MSRA: variants seen among roughly 807,000 people sequenced by gnomAD.
MSRA encodes the protein methionine sulfoxide reductase A, also known as mitochondrial peptide methionine sulfoxide reductase.
In MSRA, 54 loss-of-function variants were observed where a neutral mutation model predicts 31.3. The ratio of observed to expected loss-of-function variants is 1.73; its 90% CI spans 1.39 to 2.17. The LOEUF (loss-of-function observed/expected upper bound fraction) is 2.17, where lower values mean the gene tolerates loss of function less well. Among genes scored for constraint, MSRA ranks in the 30% most tolerant of loss-of-function variants. The pLI is 0.00. For missense variants in MSRA, 507 were observed against 300.9 expected (o/e 1.69, Z -5.07); for synonymous variants, 169 against 116.5 (o/e 1.45, Z -2.90).
intron 2 of MSRA, among the ~76,000 whole-genome samples, chr8:10,237,276 G>C (rs765246295): frequency 2.0e-5 from 3 of 152,236 alleles, no homozygotes; most frequent in African/African-American, 7.2e-5. Flanking sequence ...ATGTCTGCCA[G>C]TTAAGATGAT....
intron 3 of MSRA, among the ~76,000 whole-genome samples, chr8:10,290,236 G>C (rs577252693): frequency 3.9e-5 from 6 of 152,330 alleles, no homozygotes; most frequent in South Asian, 2.1e-4. Flanking sequence ...TGCCTGGACT[G>C]TGAGTAGGAG....
chr8:10,268,490 C>T (rs1164095547), intron 3 of MSRA, among the ~76,000 whole-genome samples: 8 of 152,194 alleles, frequency 5.3e-5, no homozygotes, highest in Admixed American at 5.2e-4. Context: ...TTCACAGCAC[C>T]ATCCTTCTCT....
intron 2 of MSRA, among the ~76,000 whole-genome samples, chr8:10,213,690 C>T (rs548193065): frequency 1.3e-5 from 2 of 151,864 alleles, no homozygotes; most frequent in East Asian, 3.9e-4. Flanking sequence ...CCTGCCTCGG[C>T]CTCCCCAGGT....
chr8:10,068,675 T>C (rs1453841844), intron 1 of MSRA, among the ~76,000 whole-genome samples: 1 of 152,254 alleles, frequency 6.6e-6, no homozygotes, highest in African/African-American at 2.4e-5. Flanking sequence ...AATAGACAAA[T>C]GTCTTTTCTT....
intron 5 of MSRA, among the ~76,000 whole-genome samples, chr8:10,361,439 G>T (rs540429236): frequency 1.3e-4 from 20 of 152,260 alleles, no homozygotes; most frequent in Admixed American, 1.0e-3. Flanking sequence ...ACTTTTACGT[G>T]GTTGTGGCCC....
At chr8:10,293,332 A>T (rs973947096) in intron 3 of MSRA, among the ~76,000 whole-genome samples, 1 of 152,202 alleles carries the variant, frequency 6.6e-6, no homozygotes, top group Non-Finnish European at 1.5e-5. Context: ...AAGATGAGCT[A>T]CTGCTTCCAT....
At chr8:10,255,811 AAAC>A (rs968653393) in intron 3 of MSRA, among the ~76,000 whole-genome samples, 4 of 152,022 alleles carry the variant, frequency 2.6e-5, no homozygotes, top group African/African-American at 9.6e-5. Context: ...TTTTTTTAAA[AAAC>A]AAGTTTTAAT....
At chr8:10,176,565 C>T (rs1025167292) in intron 1 of MSRA, among the ~76,000 whole-genome samples, 2 of 152,216 alleles carry the variant, frequency 1.3e-5, no homozygotes, top group African/African-American at 4.8e-5. Flanking sequence ...ATCATTAGCT[C>T]ATCTCCTGTT....
intron 1 of MSRA, among the ~76,000 whole-genome samples, chr8:10,116,074 G>A (rs922076061): frequency 4.6e-5 from 7 of 152,062 alleles, no homozygotes; most frequent in Non-Finnish European, 5.9e-5. Flanking sequence ...GTAGCTTGGC[G>A]GTCTGCCCTC....
intron 3 of MSRA, among the ~76,000 whole-genome samples, chr8:10,265,484 G>T (rs1798698409): frequency 6.6e-6 from 1 of 152,170 alleles, no homozygotes; most frequent in South Asian, 2.1e-4. Flanking sequence ...TCCCAGGGTA[G>T]GAAATAGAAA....
At chr8:10,385,526 C>T (rs1806332410) in intron 5 of MSRA, among the ~76,000 whole-genome samples, 1 of 152,046 alleles carries the variant, frequency 6.6e-6, no homozygotes, top group Admixed American at 6.6e-5. Flanking sequence ...TTGACCTTGA[C>T]AATTGGGGCA....
intron 1 of MSRA, among the ~76,000 whole-genome samples, chr8:10,080,692 A>AT (rs11296564): frequency 0.063 from 8,573 of 136,390 alleles, 887 homozygotes; most frequent in African/African-American, 0.22. Context: ...TGCCTGGCTA[A>AT]TTTTTTTTTT....
intron 2 of MSRA, among the ~76,000 whole-genome samples, chr8:10,242,002 T>C (rs1797351096): frequency 6.6e-6 from 1 of 152,200 alleles, no homozygotes; most frequent in African/African-American, 2.4e-5. Flanking sequence ...CCGGATGTGG[T>C]GGCTCACGCC....
chr8:10,142,820 A>G (rs1802825850), intron 1 of MSRA, among the ~76,000 whole-genome samples: 1 of 152,248 alleles, frequency 6.6e-6, no homozygotes, highest in Admixed American at 6.5e-5. Context: ...ATGTTTTCCA[A>G]TGCAGATTCA....
At chr8:10,347,338 T>C (rs1318245404) in intron 5 of MSRA, among the ~76,000 whole-genome samples, 3 of 152,232 alleles carry the variant, frequency 2.0e-5, no homozygotes, top group Non-Finnish European at 4.4e-5. Flanking sequence ...TATCTGCAAC[T>C]GGATATTCCA....
intron 3 of MSRA, among the ~76,000 whole-genome samples, chr8:10,259,112 A>AG (rs1798334156): frequency 6.6e-6 from 1 of 151,926 alleles, no homozygotes. Flanking sequence ...AAGGAAAAAA[A>AG]AAAAAAAGAG....
At chr8:10,112,971 T>C (rs1237972184) in intron 1 of MSRA, among the ~76,000 whole-genome samples, 1 of 152,116 alleles carries the variant, frequency 6.6e-6, no homozygotes, top group African/African-American at 2.4e-5. Flanking sequence ...ACATGGCTCC[T>C]TACCCCTGCT....
intron 4 of MSRA, among the ~76,000 whole-genome samples, chr8:10,308,266 A>G (rs980997365): frequency 6.6e-6 from 1 of 152,194 alleles, no homozygotes. Context: ...ATGAACTCCC[A>G]GTTACCCTTC....
Position 10,428,262 on chromosome 8 carries a change from T to G in MSRA, c.658T>G (p.Cys220Gly). The G allele has an allele frequency of 6.2e-7, 1 of 1,614,108 alleles. No individual in the cohort carries two copies. Among genetic ancestry groups the G allele is most frequent in the South Asian group, 1.1e-5 (1 of 91,084 alleles). The change falls in exon 6 of 6, where the codon TGC (cysteine) becomes GGC (glycine). Residue 220 changes from cysteine to glycine, a missense_variant. Transcript: ENST00000317173. ...QYLSKNPNGYCGLGGTGVSCP... is the reference protein window; with the variant it reads ...QYLSKNPNGYGGLGGTGVSCP... Reference sequence around the variant, plus strand: ...CCTGAGCAAGAACCCCAATGGCTACTGCGGCCTTGGGGGCACCGGCGTGTC... The same window carrying G: ...CCTGAGCAAGAACCCCAATGGCTACGGCGGCCTTGGGGGCACCGGCGTGTC...
Sources: gnomAD v4.1 joint callset for allele counts (sites outside exome capture counted in the v4.1 genomes callset) on GRCh38, gnomAD v4.1.1 for gene constraint, MANE v1.5 for transcripts, NCBI Gene and HGNC (gene_info 2026-07-23, HGNC 2026-07-21) for gene names.